PIEZO2: variants seen among roughly 807,000 people sequenced by gnomAD.
The protein encoded by PIEZO2 is piezo-type mechanosensitive ion channel component 2.
In PIEZO2, 172 loss-of-function variants were observed where a neutral mutation model predicts 337.3. That is an observed-to-expected ratio of 0.51 (90% CI 0.45 to 0.58). The LOEUF is 0.58. Among genes scored for constraint, PIEZO2 ranks in the 20% least tolerant of loss-of-function variants. The pLI, the probability that PIEZO2 is intolerant of heterozygous loss-of-function variation, is 0.00. For synonymous variants in PIEZO2, 1,251 were observed against 1,228.5 expected, an observed-to-expected ratio of 1.02 and a Z score of -0.38; for missense variants, 3,028 against 3,391.3, an observed-to-expected ratio of 0.89 and a Z score of 2.66.
chr18:10,991,233 C>T (rs1158858738), intron 2 of PIEZO2, among the ~76,000 whole-genome samples: 3 of 146,694 alleles, frequency 2.0e-5, no homozygotes, highest in Admixed American at 6.7e-5. Flanking sequence ...CACACACACA[C>T]ATTTTTTTTT....
At chr18:10,791,725 A>AT in intron 13 of PIEZO2, 1 of 153,042 alleles carries the variant, frequency 6.5e-6, no homozygotes. Flanking sequence ...CCTTGACTGC[A>AT]ATGTTCCTTA....
Position 10,748,610 on chromosome 18 carries a change from T to C in PIEZO2, c.4285A>G (p.Thr1429Ala). ...YQMPAANSPC[T>A]LPSGEAGIIW... ...ATTCCTGCTTCCCCACTGGGAAGTG[T>C]ACAGGGTGAATTAGCAGCAGCTATA... Residue 1429 changes from threonine (T) to alanine (A), a missense_variant, in exon 30 of 56, where the codon ACA becomes GCA. This residue lies in a region of PIEZO2 where 1,925 missense variants were observed against 2,051.9 expected (regional missense o/e 0.94). Coordinates refer to ENST00000674853, the MANE Select transcript of PIEZO2 (RefSeq NM_001378183.1). The surrounding 1 kb of genome is among the most constrained non-coding windows in gnomAD (Gnocchi z 5.1). 1.3e-6 allele frequency: 2 copies of C among 1,492,334 alleles called. No homozygotes were observed. Among genetic ancestry groups the C allele is most frequent in the Non-Finnish European group, 1.8e-6 (2 of 1,129,196 alleles). The allele number at this position is 1,492,334 out of a possible 1,614,324, so 92.4% of individuals were successfully genotyped here.
rs559206835 is a variant in PIEZO2 at position 10,772,665 on chromosome 18, C to T, written c.2785+747G>A. Among the ~76,000 whole-genome samples the T allele has an allele frequency of 2.0e-5, 3 of 152,254 alleles. No individual in the cohort carries two copies. In the South Asian group the frequency reaches 6.2e-4, roughly 32 times the overall value. On this transcript the variant is annotated intron_variant, in intron 20 of 55. Transcript: ENST00000674853. ...CAAGTGCAGCATCTTAAGATCATAG[C>T]CCCAGAACCTCACCCCAGAGATGAT...
rs1010400307 is a variant in PIEZO2 at position 11,069,372 on chromosome 18, A to C, written c.65-3150T>G. The stretch of plus-strand genomic sequence containing the variant: ...ATCCCAGGGATGCAAGAATGGTTCA[A>C]CATACCTATAGCTGTCAATGTGATA... On this transcript the variant is annotated intron_variant, in intron 1 of 55. Coordinates refer to ENST00000674853, the MANE Select transcript of PIEZO2 (RefSeq NM_001378183.1). The surrounding 1 kb of genome is among the most constrained non-coding windows in gnomAD (Gnocchi z 4.9). 6.6e-6 allele frequency among the ~76,000 whole-genome samples: 1 copy of C among 152,206 alleles called. No homozygotes were observed. The highest frequency in any genetic ancestry group is 1.5e-5 in the Non-Finnish European group (1 of 68,026).
intron 5 of PIEZO2, among the ~76,000 whole-genome samples, chr18:10,864,720 C>T (rs961034487): frequency 2.0e-5 from 3 of 152,152 alleles, no homozygotes; most frequent in African/African-American, 7.2e-5. Context: ...CTGGCAAAGC[C>T]CCAGAAGGGC....
intron 3 of PIEZO2, among the ~76,000 whole-genome samples, chr18:10,920,652 A>G (rs904094242): frequency 6.6e-6 from 1 of 152,150 alleles, no homozygotes; most frequent in Non-Finnish European, 1.5e-5. Flanking sequence ...TACTTCAGCA[A>G]GAGTATTTAG....
In PIEZO2 at chr18:10,807,194, T is replaced by TACCA; in HGVS notation, c.994_997dup (p.Tyr333LeufsTer33). 6.5e-7 allele frequency: 1 copy of TACCA among 1,536,970 alleles called. No individual in the cohort carries two copies. The highest frequency in any genetic ancestry group is 2.4e-5 in the East Asian group (1 of 40,916). On this transcript the variant is annotated frameshift_variant, in exon 8 of 56. Transcript: ENST00000674853. LOFTEE classifies it high-confidence loss of function. Reference sequence around the variant, plus strand: ...CAGGAGGATAGGGTTGGCGTGGTGGTACCACGACAGGTCCGGGTTCACTAT... The same window carrying TACCA: ...CAGGAGGATAGGGTTGGCGTGGTGGTACCAACCACGACAGGTCCGGGTTCACTAT...
intron 14 of PIEZO2, 81 bp from the exon 15 acceptor site, chr18:10,789,446 G>T: frequency 7.2e-7 from 1 of 1,390,018 alleles, no homozygotes; most frequent in Non-Finnish European, 9.5e-7. Context: ...GGTATAGGAT[G>T]TAGAGGCATG....
intron 1 of PIEZO2, among the ~76,000 whole-genome samples, chr18:11,138,951 G>A (rs896676474): frequency 2.6e-5 from 4 of 152,188 alleles, no homozygotes; most frequent in East Asian, 1.9e-4. Context: ...AAAGCTTCTC[G>A]TAAGCTGATT....
chr18:10,858,333 A>C (rs1410128487), intron 5 of PIEZO2, among the ~76,000 whole-genome samples: 2 of 143,604 alleles, frequency 1.4e-5, no homozygotes, highest in Non-Finnish European at 3.0e-5. Context: ...AAAAAAAAAA[A>C]AAAAAAAAAA....
chr18:10,782,703 A>G (rs1038496141), intron 17 of PIEZO2, among the ~76,000 whole-genome samples: 5 of 151,468 alleles, frequency 3.3e-5, no homozygotes, highest in Non-Finnish European at 5.9e-5. Flanking sequence ...CAGGACTCAT[A>G]TCGGTACAGA....
chr18:10,674,606 T>C (rs1476598863), intron 54 of PIEZO2, among the ~76,000 whole-genome samples: 1 of 152,250 alleles, frequency 6.6e-6, no homozygotes, highest in Non-Finnish European at 1.5e-5. Flanking sequence ...TAGTGTGTAG[T>C]GGCCCATGTT....
chr18:11,024,163 G>A (rs1198762029), intron 2 of PIEZO2, among the ~76,000 whole-genome samples: 5 of 152,240 alleles, frequency 3.3e-5, no homozygotes, highest in African/African-American at 1.2e-4. Context: ...CAGAGGCACC[G>A]AAAGCGAGCG....
chr18:10,996,972 G>A (rs972213784), intron 2 of PIEZO2, among the ~76,000 whole-genome samples: 1 of 152,052 alleles, frequency 6.6e-6, no homozygotes, highest in African/African-American at 2.4e-5. Context: ...TGAGAAGAGA[G>A]CAAGAAAAAT....
Position 10,878,026 on chromosome 18 carries a change from T to C in PIEZO2, c.330-6611A>G, listed in dbSNP as rs1216373384. Among the ~76,000 whole-genome samples the C allele has an allele frequency of 1.3e-5, 2 of 152,134 alleles. No homozygotes were observed. The highest frequency in any genetic ancestry group is 2.1e-4 in the South Asian group (1 of 4,828). On this transcript the variant is annotated intron_variant, in intron 4 of 55. Transcript: ENST00000674853. This position sits in a 1 kb window ranked among gnomAD's most constrained non-coding sequence, Gnocchi z 4.3. ...CTCATCTCTAAAAACACACCTGCCATGTCTCCTCTGTGAAGCCCTTCCTAC... is the reference window on the plus strand; with the variant it reads ...CTCATCTCTAAAAACACACCTGCCACGTCTCCTCTGTGAAGCCCTTCCTAC...
intron 1 of PIEZO2, among the ~76,000 whole-genome samples, chr18:11,136,519 T>C (rs949558813): frequency 3.9e-5 from 6 of 152,250 alleles, no homozygotes; most frequent in Admixed American, 3.3e-4. Flanking sequence ...GCTAACAACA[T>C]TTCCTTGCTT....
At chr18:11,114,196 C>G (rs1049409987) in intron 1 of PIEZO2, among the ~76,000 whole-genome samples, 2 of 152,144 alleles carry the variant, frequency 1.3e-5, no homozygotes, top group Non-Finnish European at 2.9e-5. Context: ...TGTAATGGTG[C>G]CTCTCTGCAC....
At position 10,815,517 on chromosome 18, in the gene PIEZO2, C is replaced by T. The variant is rs932103740; in HGVS notation, c.918-8243G>A. ...ACACTTCAACTTAGAATTGCTGAAACGGGCCTTGAAAATATCCTATATACA... is the reference window on the plus strand; with the variant it reads ...ACACTTCAACTTAGAATTGCTGAAATGGGCCTTGAAAATATCCTATATACA... On this transcript the variant is annotated intron_variant, in intron 7 of 55. Transcript: ENST00000674853. This position sits in a 1 kb window ranked among gnomAD's most constrained non-coding sequence, Gnocchi z 4.1. Among the ~76,000 whole-genome samples the T allele has an allele frequency of 1.3e-5, 2 of 152,154 alleles. No individual in the cohort carries two copies. Among genetic ancestry groups the T allele is most frequent in the Non-Finnish European group, 2.9e-5 (2 of 68,016 alleles).
rs1340504353 is a variant in PIEZO2 at position 10,850,784 on chromosome 18, C to A, written c.917+4569G>T. ...AAGAAAGATTCTGAAAAAAATTTGGCTAAAAAGCAATAGTATTTATTTCTG... is the reference window on the plus strand; with the variant it reads ...AAGAAAGATTCTGAAAAAAATTTGGATAAAAAGCAATAGTATTTATTTCTG... On this transcript the variant is annotated intron_variant, in intron 7 of 55. Coordinates refer to ENST00000674853, the MANE Select transcript of PIEZO2 (RefSeq NM_001378183.1). The surrounding 1 kb of genome is among the most constrained non-coding windows in gnomAD (Gnocchi z 4.5). Among the ~76,000 whole-genome samples, 2 of 151,968 alleles carry A rather than the reference C, an allele frequency of 1.3e-5. No homozygotes were observed. Among genetic ancestry groups the A allele is most frequent in the Non-Finnish European group, 2.9e-5 (2 of 67,990 alleles).
Sources: allele counts gnomAD v4.1 joint callset (sites outside exome capture counted in the v4.1 genomes callset), GRCh38; gene constraint gnomAD v4.1.1; regional missense constraint gnomAD v4.1.1; non-coding constraint Gnocchi (gnomAD v3.1); transcripts MANE v1.5; gene names NCBI Gene and HGNC (gene_info 2026-07-23, HGNC 2026-07-21).